Variants in APP observed in about 807,000 individuals in gnomAD.
APP encodes the protein amyloid beta precursor protein, also known as amyloid-beta precursor protein.
Under a neutral mutation model 101.4 loss-of-function variants are expected in APP, and 31 were observed. The ratio of observed to expected loss-of-function variants is 0.31; its 90% CI spans 0.23 to 0.41. The LOEUF (loss-of-function observed/expected upper bound fraction) is 0.41. APP is among the 10% of genes least tolerant of loss of function. The pLI is 1.00. For missense variants in APP, 839 were observed against 1,003.7 expected (o/e 0.84, Z 2.22); for synonymous variants, 366 against 364.4 (o/e 1.00, Z -0.05).
At chr21:26,045,979 T>C (rs1568904536) in intron 5 of APP, among the ~76,000 whole-genome samples, 1 of 151,930 alleles carries the variant, frequency 6.6e-6, no homozygotes, top group Non-Finnish European at 1.5e-5. Flanking sequence ...ATGTCTTACA[T>C]GTATGGCAGC....
chr21:26,105,554 C>T (rs2062163312), intron 2 of APP, among the ~76,000 whole-genome samples: 1 of 151,384 alleles, frequency 6.6e-6, no homozygotes, highest in African/African-American at 2.4e-5. Flanking sequence ...GAACACTTTC[C>T]AACACACGCA....
intron 2 of APP, among the ~76,000 whole-genome samples, chr21:26,093,312 G>T (rs1036931325): frequency 6.6e-6 from 1 of 152,140 alleles, no homozygotes; most frequent in African/African-American, 2.4e-5. Flanking sequence ...ATGACTTTAT[G>T]TGCAGTAAAG....
intron 15 of APP, among the ~76,000 whole-genome samples, chr21:25,901,578 G>C (rs929641190): frequency 1.3e-5 from 2 of 152,170 alleles, no homozygotes; most frequent in Non-Finnish European, 2.9e-5. Context: ...GACAAAATCA[G>C]TAAGCTGGCA....
intron 6 of APP, among the ~76,000 whole-genome samples, chr21:26,005,185 G>A (rs2043476973): frequency 6.6e-6 from 1 of 152,060 alleles, no homozygotes; most frequent in African/African-American, 2.4e-5. Flanking sequence ...AGGCCGAGGT[G>A]GGCAGATCAC....
intron 17 of APP, among the ~76,000 whole-genome samples, chr21:25,889,911 A>ACAG (rs1002760406): frequency 6.6e-6 from 1 of 152,088 alleles, no homozygotes; most frequent in Non-Finnish European, 1.5e-5. Flanking sequence ...CAAAACAACA[A>ACAG]CAGCAGCAAA....
intron 9 of APP, among the ~76,000 whole-genome samples, chr21:25,981,815 T>C (rs2042443009): frequency 6.6e-6 from 1 of 152,054 alleles, no homozygotes; most frequent in Non-Finnish European, 1.5e-5. Context: ...TCACTGATTT[T>C]GCTTTGTGCT....
rs188434905 is a variant in APP, at chr21:25,936,530, C to T, written c.1687+18060G>A. Among the ~76,000 whole-genome samples, 19 of 152,240 alleles carry T rather than the reference C, an allele frequency of 1.2e-4. 1 individual carries two copies. In the South Asian group the frequency reaches 2.7e-3, roughly 22 times the overall value. Reference sequence around the variant, plus strand: ...TGCACTCCAGCCTGGGCAACAAGAGCGAAACTCTGTCTCAACAAAACAAAA... The same window carrying T: ...TGCACTCCAGCCTGGGCAACAAGAGTGAAACTCTGTCTCAACAAAACAAAA... On this transcript the variant is annotated intron_variant, in intron 13 of 17. Coordinates refer to ENST00000346798, the MANE Select transcript of APP (RefSeq NM_000484.4).
Position 25,880,726 on chromosome 21 carries a change from TC to T in APP, c.*943del, listed in dbSNP as rs2036932795. ...TTCAGACTGGTTAAAGAAAATTGAA[TC>T]TGCCTCTTCTCCCCACCCAAAATTA... On this transcript the variant is annotated 3_prime_UTR_variant, in exon 18 of 18. Transcript: ENST00000346798. 1 of 152,248 alleles carries T rather than the reference TC, an allele frequency of 6.6e-6. No individual in the cohort carries two copies. The highest frequency in any genetic ancestry group is 2.4e-5 in the African/African-American group (1 of 41,466). 9.4% of individuals were successfully genotyped at this position (152,248 alleles called of 1,614,324 possible).
intron 3 of APP, among the ~76,000 whole-genome samples, chr21:26,082,299 T>C (rs1227824844): frequency 1.3e-5 from 2 of 152,228 alleles, no homozygotes; most frequent in Non-Finnish European, 2.9e-5. Context: ...TGTTGCTTTA[T>C]TTTCCTTTGG....
chr21:26,019,011 C>T (rs1243647887), intron 6 of APP, among the ~76,000 whole-genome samples: 1 of 152,158 alleles, frequency 6.6e-6, no homozygotes, highest in Non-Finnish European at 1.5e-5. Flanking sequence ...ACCAATTTAT[C>T]TCAAGCAAAT....
chr21:26,145,619 T>TA (rs1449139333), intron 1 of APP, among the ~76,000 whole-genome samples: 1 of 152,112 alleles, frequency 6.6e-6, no homozygotes, highest in Non-Finnish European at 1.5e-5. Flanking sequence ...TGCGTACAGT[T>TA]AAAAAGACTC....
chr21:26,055,796 G>C (rs1350900812), intron 3 of APP, among the ~76,000 whole-genome samples: 2 of 152,122 alleles, frequency 1.3e-5, no homozygotes, highest in African/African-American at 4.8e-5. Flanking sequence ...AAAATCTAAT[G>C]CTGGCCCAAA....
chr21:26,157,650 T>C (rs2063403596), intron 1 of APP, among the ~76,000 whole-genome samples: 1 of 152,234 alleles, frequency 6.6e-6, no homozygotes, highest in Non-Finnish European at 1.5e-5. Flanking sequence ...AAAGCATACT[T>C]TCTGTGACGT....
At chr21:25,935,548 T>A (rs9981102) in intron 13 of APP, among the ~76,000 whole-genome samples, 1 of 151,944 alleles carries the variant, frequency 6.6e-6, no homozygotes, top group African/African-American at 2.4e-5. Flanking sequence ...AAAACTAATT[T>A]AAAAAAATCT....
intron 3 of APP, among the ~76,000 whole-genome samples, chr21:26,058,865 AG>A (rs2046147995): frequency 6.6e-6 from 1 of 152,138 alleles, no homozygotes; most frequent in South Asian, 2.1e-4. Flanking sequence ...GCGGATCACA[AG>A]GTCAGGAGAT....
At chr21:26,151,867 A>G (rs561040277) in intron 1 of APP, among the ~76,000 whole-genome samples, 46 of 152,280 alleles carry the variant, frequency 3.0e-4, no homozygotes, top group African/African-American at 1.1e-3. Context: ...GGGACTCCTG[A>G]TTCACAGCAT....
chr21:26,002,135 A>G (rs12626960), intron 6 of APP, among the ~76,000 whole-genome samples: 13,585 of 152,176 alleles, frequency 0.089, 991 homozygotes, highest in East Asian at 0.31. Context: ...AATGAGGTTG[A>G]TGCTTTCGTA....
intron 17 of APP, among the ~76,000 whole-genome samples, chr21:25,885,658 A>G (rs893212716): frequency 3.3e-5 from 5 of 152,156 alleles, no homozygotes; most frequent in African/African-American, 1.2e-4. Context: ...GCATGGTGGC[A>G]TGGCTTCAAC....
At chr21:25,986,231 G>C (rs1022957175) in intron 8 of APP, among the ~76,000 whole-genome samples, 11 of 152,152 alleles carry the variant, frequency 7.2e-5, no homozygotes, top group Non-Finnish European at 1.5e-4. Flanking sequence ...GAAACAGGAA[G>C]CTGTATATCA....
Sources: allele counts gnomAD v4.1 joint callset (sites outside exome capture counted in the v4.1 genomes callset), GRCh38; gene constraint gnomAD v4.1.1; transcripts MANE v1.5; gene names NCBI Gene and HGNC (gene_info 2026-07-23, HGNC 2026-07-21).